HS3ST4: variants seen among roughly 807,000 people sequenced by gnomAD.
HS3ST4 encodes the protein heparan sulfate-glucosamine 3-sulfotransferase 4.
HS3ST4 carries 17 observed loss-of-function variants against 29.2 expected under a neutral mutation model. That is an observed-to-expected ratio of 0.58 (90% CI 0.40 to 0.87). HS3ST4 has a LOEUF of 0.87. Ranked by LOEUF, HS3ST4 falls within the 40% of genes least tolerant of loss-of-function variation. The pLI, the probability that HS3ST4 is intolerant of heterozygous loss-of-function variation, is 0.00. For synonymous variants in HS3ST4, 314 were observed against 285.7 expected, an observed-to-expected ratio of 1.10 and a Z score of -1.00; for missense variants, 627 against 634.5, an observed-to-expected ratio of 0.99 and a Z score of 0.13.
At chr16:26,016,958 A>T (rs1969367923) in intron 1 of HS3ST4, among the ~76,000 whole-genome samples, 1 of 152,172 alleles carries the variant, frequency 6.6e-6, no homozygotes, top group Non-Finnish European at 1.5e-5. Context: ...CCAACTATTT[A>T]TTATTCAGCC....
chr16:25,952,534 A>G (rs951053438), intron 1 of HS3ST4, among the ~76,000 whole-genome samples: 9 of 152,220 alleles, frequency 5.9e-5, no homozygotes, highest in African/African-American at 1.9e-4. Flanking sequence ...CTTCATTTGT[A>G]AGAAGGAAAT....
At chr16:25,802,164 G>A (rs1252175122) in intron 1 of HS3ST4, among the ~76,000 whole-genome samples, 1 of 151,992 alleles carries the variant, frequency 6.6e-6, no homozygotes, top group African/African-American at 2.4e-5. Context: ...GATGAGTGCT[G>A]TGGAGAAAAA....
intron 1 of HS3ST4, among the ~76,000 whole-genome samples, chr16:25,792,248 G>C (rs1192761313): frequency 1.3e-5 from 2 of 151,806 alleles, no homozygotes; most frequent in African/African-American, 4.8e-5. Context: ...AGATTAATCT[G>C]TAGTGTTTCT....
intron 1 of HS3ST4, among the ~76,000 whole-genome samples, chr16:25,780,239 C>A (rs1287188603): frequency 6.6e-6 from 1 of 152,134 alleles, no homozygotes; most frequent in African/African-American, 2.4e-5. Context: ...TTAGGTCAGG[C>A]CAAGCCCCGA....
intron 1 of HS3ST4, among the ~76,000 whole-genome samples, chr16:26,033,062 G>A (rs112181800): frequency 2.0e-5 from 3 of 152,104 alleles, no homozygotes; most frequent in African/African-American, 7.2e-5. Context: ...AGACCTGAAC[G>A]ACAGACTGCG....
intron 1 of HS3ST4, among the ~76,000 whole-genome samples, chr16:25,960,983 GC>G (rs1297785977): frequency 6.6e-6 from 1 of 152,118 alleles, no homozygotes; most frequent in Non-Finnish European, 1.5e-5. Context: ...TTGAACTATT[GC>G]CTTCTCCTCA....
At chr16:26,022,135 T>A (rs1450428480) in intron 1 of HS3ST4, among the ~76,000 whole-genome samples, 1 of 152,108 alleles carries the variant, frequency 6.6e-6, no homozygotes, top group Non-Finnish European at 1.5e-5. Flanking sequence ...GCTAGTTTTT[T>A]AAAATTATTT....
intron 1 of HS3ST4, among the ~76,000 whole-genome samples, chr16:26,115,717 T>C (rs1370134841): frequency 6.6e-6 from 1 of 152,078 alleles, no homozygotes; most frequent in Non-Finnish European, 1.5e-5. Flanking sequence ...ATATCAAATA[T>C]ATGCTGAGCT....
intron 1 of HS3ST4, among the ~76,000 whole-genome samples, chr16:26,081,780 T>A (rs1458298680): frequency 7.1e-6 from 1 of 141,720 alleles, no homozygotes; most frequent in Non-Finnish European, 1.5e-5. Flanking sequence ...CTTCAGGGAG[T>A]ACATTCTTTT....
At chr16:25,774,148 C>T (rs1017043955) in intron 1 of HS3ST4, among the ~76,000 whole-genome samples, 1 of 152,170 alleles carries the variant, frequency 6.6e-6, no homozygotes, top group African/African-American at 2.4e-5. Flanking sequence ...GATTGGGGAA[C>T]AGGATGAATG....
At chr16:25,873,879 G>T (rs918837913) in intron 1 of HS3ST4, among the ~76,000 whole-genome samples, 15 of 152,162 alleles carry the variant, frequency 9.9e-5, no homozygotes, top group African/African-American at 3.6e-4. Context: ...TAGTACAATT[G>T]TTTCCTCTTT....
chr16:25,889,338 T>C (rs1479453235), intron 1 of HS3ST4, among the ~76,000 whole-genome samples: 2 of 152,106 alleles, frequency 1.3e-5, no homozygotes, highest in Non-Finnish European at 2.9e-5. Flanking sequence ...GTCGGGGCTC[T>C]CCCCTCCGGC....
intron 1 of HS3ST4, among the ~76,000 whole-genome samples, chr16:25,930,668 G>A (rs1968453203): frequency 6.6e-6 from 1 of 152,136 alleles, no homozygotes; most frequent in Admixed American, 6.5e-5. Context: ...TCCATCTCTT[G>A]CCTGTCTTTT....
chr16:25,978,701 G>A (rs1968969825), intron 1 of HS3ST4, among the ~76,000 whole-genome samples: 1 of 152,212 alleles, frequency 6.6e-6, no homozygotes, highest in African/African-American at 2.4e-5. Flanking sequence ...CCAAAATTCA[G>A]ATTGACACAG....
intron 1 of HS3ST4, among the ~76,000 whole-genome samples, chr16:25,858,262 C>T (rs1283702581): frequency 6.6e-6 from 1 of 152,006 alleles, no homozygotes; most frequent in Non-Finnish European, 1.5e-5. Flanking sequence ...TATAATTTCA[C>T]ACACACATCT....
chr16:25,904,169 TG>T (rs1968156054), intron 1 of HS3ST4, among the ~76,000 whole-genome samples: 1 of 90,276 alleles, frequency 1.1e-5, no homozygotes, highest in Non-Finnish European at 2.7e-5. Context: ...GATGAATGGA[TG>T]GATGGATGGA....
At chr16:26,135,535 C>G in intron 1 of HS3ST4, 77 bp from the exon 2 acceptor site, 1 of 1,403,254 alleles carries the variant, frequency 7.1e-7, no homozygotes, top group South Asian at 1.5e-5. Context: ...TTGTTTATAT[C>G]ACACATTTTG....
chr16:25,817,551 C>T (rs151316566), intron 1 of HS3ST4, among the ~76,000 whole-genome samples: 1,631 of 152,244 alleles, frequency 0.011, 11 homozygotes, highest in Non-Finnish European at 0.015. Context: ...ACTTGACTCA[C>T]GGCTGTACTA....
chr16:25,879,854 AAGG>A (rs1967875504), intron 1 of HS3ST4, among the ~76,000 whole-genome samples: 1 of 152,142 alleles, frequency 6.6e-6, no homozygotes, highest in African/African-American at 2.4e-5. Flanking sequence ...GCGGAAGGCA[AAGG>A]AGAAGCAAAG....
Sources: gnomAD v4.1 joint callset for allele counts (sites outside exome capture counted in the v4.1 genomes callset) on GRCh38, gnomAD v4.1.1 for gene constraint, MANE v1.5 for transcripts, NCBI Gene and HGNC (gene_info 2026-07-23, HGNC 2026-07-21) for gene names.